The following RBFOX1 variants were observed in gnomAD, a reference collection of about 807,000 sequenced individuals.
The protein encoded by RBFOX1 is RNA binding fox-1 homolog 1.
RBFOX1 carries 8 observed loss-of-function variants against 57.7 expected under a neutral mutation model. The observed-to-expected ratio is 0.14, with a 90% CI of 0.08 to 0.25. RBFOX1 has a LOEUF of 0.25. RBFOX1 is among the 10% of genes least tolerant of loss of function. The pLI is 1.00. For synonymous variants in RBFOX1, 326 were observed against 222.4 expected, an observed-to-expected ratio of 1.47 and a Z score of -4.15; for missense variants, 611 against 548.5, an observed-to-expected ratio of 1.11 and a Z score of -1.14.
intron 1 of RBFOX1, among the ~76,000 whole-genome samples, chr16:6,247,230 G>C (rs1567766856): frequency 6.6e-6 from 1 of 152,130 alleles, no homozygotes; most frequent in Non-Finnish European, 1.5e-5. Context: ...TCTTCCCCTT[G>C]TCTCCCAGGA....
intron 3 of RBFOX1, among the ~76,000 whole-genome samples, chr16:6,934,015 G>C (rs1051568363): frequency 6.6e-6 from 1 of 152,314 alleles, no homozygotes; most frequent in Non-Finnish European, 1.5e-5. Context: ...GGGTCAGGGA[G>C]GGGACACGAT....
At chr16:7,226,529 T>C (rs2093133710) in intron 4 of RBFOX1, among the ~76,000 whole-genome samples, 1 of 152,216 alleles carries the variant, frequency 6.6e-6, no homozygotes, top group African/African-American at 2.4e-5. Context: ...TCCTTGGGTC[T>C]GCCGTAACAA....
At chr16:7,442,594 G>A (rs988675045) in intron 4 of RBFOX1, among the ~76,000 whole-genome samples, 3 of 152,120 alleles carry the variant, frequency 2.0e-5, no homozygotes, top group Non-Finnish European at 4.4e-5. Context: ...ACTAGCTTCA[G>A]GCCTAAACAG....
chr16:7,452,235 G>T (rs11648574), intron 4 of RBFOX1, among the ~76,000 whole-genome samples: 63,777 of 152,040 alleles, frequency 0.42, 13,850 homozygotes, highest in Non-Finnish European at 0.48. Context: ...AGCTGGCTTG[G>T]TTAAAGCACT....
At chr16:5,462,850 C>G (rs973246860) in intron 1 of RBFOX1, among the ~76,000 whole-genome samples, 1 of 152,032 alleles carries the variant, frequency 6.6e-6, no homozygotes, top group African/African-American at 2.4e-5. Context: ...AGGGGCACTG[C>G]TAAAGGTCCT....
intron 2 of RBFOX1, among the ~76,000 whole-genome samples, chr16:6,643,834 A>T (rs955514304): frequency 5.2e-5 from 3 of 57,720 alleles, no homozygotes; most frequent in Non-Finnish European, 1.1e-4. Context: ...AAGGTTAAAA[A>T]ATCATATAAG....
intron 4 of RBFOX1, among the ~76,000 whole-genome samples, chr16:7,141,910 G>C (rs577742506): frequency 6.6e-6 from 1 of 152,238 alleles, no homozygotes; most frequent in Admixed American, 6.5e-5. Context: ...TCATAAATCT[G>C]TCATGTCAGT....
Position 6,019,230 on chromosome 16 carries a change from G to T in RBFOX1, c.-889G>T. On this transcript the variant is annotated 5_prime_UTR_variant, in exon 1 of 16. Transcript: ENST00000550418. The surrounding 1 kb of genome is among the most constrained non-coding windows in gnomAD (Gnocchi z 4.2). ...TACAAGCGCTCTTGCTGGCCGTCTG[G>T]GTGCACACACCGCTCCCTCGATCAC... The T allele has an allele frequency of 1.0e-6, 1 of 985,228 alleles. No homozygotes were observed. Among genetic ancestry groups the T allele is most frequent in the East Asian group, 1.1e-4 (1 of 8,726 alleles). 61.0% of individuals were successfully genotyped at this position (985,228 alleles called of 1,614,324 possible).
At position 6,989,766 on chromosome 16, in the gene RBFOX1, A is replaced by G. The variant is rs1364434813; in HGVS notation, c.-15-62291A>G. The stretch of plus-strand genomic sequence containing the variant: ...TGTAATTCCAGCACTTTGGGAGGCT[A>G]AGGCAGGTGGATCACCTGAGGTCAG... On this transcript the variant is annotated intron_variant, in intron 3 of 15. Transcript: ENST00000550418. 3.9e-5 allele frequency among the ~76,000 whole-genome samples: 6 copies of G among 152,214 alleles called. No individual in the cohort carries two copies. In the East Asian group the frequency reaches 7.7e-4, roughly 20 times the overall value.
At chr16:5,804,266 A>T (rs970520527) in intron 3 of RBFOX1, among the ~76,000 whole-genome samples, 3 of 152,208 alleles carry the variant, frequency 2.0e-5, no homozygotes, top group Admixed American at 6.5e-5. Flanking sequence ...AGGTGGATAG[A>T]TGGGGGTGAG....
chr16:7,360,828 A>C (rs775479084), intron 4 of RBFOX1, among the ~76,000 whole-genome samples: 2 of 152,166 alleles, frequency 1.3e-5, no homozygotes, highest in Non-Finnish European at 2.9e-5. Context: ...AGGCTTGTAC[A>C]TTCCAGCCCT....
intron 13 of RBFOX1, among the ~76,000 whole-genome samples, chr16:7,670,035 G>A (rs555038055): frequency 7.9e-5 from 12 of 152,188 alleles, no homozygotes; most frequent in Non-Finnish European, 1.2e-4. Context: ...TGTTCCAGAA[G>A]AGAAACTTTT....
chr16:6,675,283 A>G (rs2057438956), intron 3 of RBFOX1, among the ~76,000 whole-genome samples: 1 of 152,196 alleles, frequency 6.6e-6, no homozygotes. Flanking sequence ...TCCATGTCTG[A>G]AAATCGAGGG....
intron 1 of RBFOX1, among the ~76,000 whole-genome samples, chr16:6,227,878 G>A (rs879655137): frequency 6.6e-6 from 1 of 152,152 alleles, no homozygotes; most frequent in Non-Finnish European, 1.5e-5. Flanking sequence ...AAACAGTAGG[G>A]AGGTTCCTCA....
At chr16:7,638,016 C>T (rs768309711) in intron 11 of RBFOX1, among the ~76,000 whole-genome samples, 2 of 152,152 alleles carry the variant, frequency 1.3e-5, no homozygotes, top group Non-Finnish European at 2.9e-5. Flanking sequence ...ATAGTCTGCT[C>T]ATCGTGGATT....
intron 3 of RBFOX1, among the ~76,000 whole-genome samples, chr16:6,715,791 G>C (rs2064690849): frequency 1.3e-5 from 2 of 152,174 alleles, no homozygotes; most frequent in Admixed American, 1.3e-4. Flanking sequence ...AACCCTTTCA[G>C]CTACACAAAA....
At chr16:6,704,829 G>A (rs2062447063) in intron 3 of RBFOX1, 1 of 152,100 alleles carries the variant, frequency 6.6e-6, no homozygotes, top group South Asian at 2.1e-4. Context: ...CCCTCTTTGT[G>A]CTTTCCATCA....
intron 2 of RBFOX1, among the ~76,000 whole-genome samples, chr16:5,593,117 G>A (rs112270820): frequency 1.9e-3 from 294 of 151,968 alleles, no homozygotes; most frequent in Non-Finnish European, 3.6e-3. Flanking sequence ...ATAGACTGGA[G>A]AAAGAAAATG....
At chr16:7,071,227 G>C (rs1190620939) in intron 4 of RBFOX1, among the ~76,000 whole-genome samples, 2 of 152,052 alleles carry the variant, frequency 1.3e-5, no homozygotes, top group African/African-American at 4.8e-5. Context: ...CTTTTATTGA[G>C]CATATACTAC....
Sources: gnomAD v4.1 joint callset for allele counts (sites outside exome capture counted in the v4.1 genomes callset) on GRCh38, gnomAD v4.1.1 for gene constraint, Gnocchi (gnomAD v3.1) non-coding constraint, MANE v1.5 for transcripts, NCBI Gene and HGNC (gene_info 2026-07-23, HGNC 2026-07-21) for gene names.